The following AIRE variants were observed in gnomAD, a reference collection of about 807,000 sequenced individuals.
AIRE encodes the protein autoimmune polyendocrinopathy candidiasis ectodermal dystrophy protein.
A neutral mutation model predicts 62.1 loss-of-function variants in AIRE; 52 were observed. The observed-to-expected ratio is 0.84, with a 90% CI of 0.67 to 1.06. AIRE has a LOEUF of 1.06. AIRE is among the 50% of genes least tolerant of loss of function. AIRE has a pLI of 0.00. For missense variants in AIRE, 774 were observed against 755.8 expected (o/e 1.02, Z -0.28); for synonymous variants, 342 against 321.6 (o/e 1.06, Z -0.68).
rs932943694 is a variant in AIRE, at chr21:44,287,585, G to A, written c.532G>A (p.Gly178Arg). Residue 178 changes from glycine (G) to arginine (R), a missense_variant, in exon 4 of 14, where the codon GGG (glycine) becomes AGG (arginine). Physicochemically the swap from Gly to Arg is moderately radical, Grantham distance 125. Coordinates refer to ENST00000291582, the MANE Select transcript of AIRE (RefSeq NM_000383.4). The surrounding 1 kb of genome is among the most constrained non-coding windows in gnomAD (Gnocchi z 4.3). Reference protein sequence around the residue: ...SSAEQQRLPLGNGIQTMSASV... With the variant: ...SSAEQQRLPLRNGIQTMSASV... ...CGCAGAGCAGCAGCGCCTTCCACTCGGGAACGGTGAGCGGGGCCCAGTGGG... is the reference window on the plus strand; with the variant it reads ...CGCAGAGCAGCAGCGCCTTCCACTCAGGAACGGTGAGCGGGGCCCAGTGGG... 2.4e-5 allele frequency: 37 copies of A among 1,555,548 alleles called. No homozygotes were observed. The Admixed American group carries it at 5.0e-4, about 21-fold the overall frequency.
chr21:44,296,695 C>G (rs1189146709), intron 13 of AIRE, among the ~76,000 whole-genome samples: 2 of 137,398 alleles, frequency 1.5e-5, no homozygotes, highest in African/African-American at 5.3e-5. Context: ...CCCAGTGCTG[C>G]TGAGCGCCCC....
In AIRE at chr21:44,288,371, C is replaced by A. The variant is rs745653031; in HGVS notation, c.565C>A (p.Gln189Lys). The A allele has an allele frequency of 1.2e-6, 2 of 1,612,194 alleles. No individual in the cohort carries two copies. Among genetic ancestry groups the A allele is most frequent in the East Asian group, 4.5e-5 (2 of 44,882 alleles). The change falls in exon 5 of 14, where the codon CAG becomes AAG. Residue 189 changes from glutamine (Q) to lysine (K), a missense_variant. By Grantham distance (53) the Gln-to-Lys change is moderately conservative (BLOSUM62 1). Coordinates refer to ENST00000291582, the MANE Select transcript of AIRE (RefSeq NM_000383.4). Reference protein sequence around the residue: ...NGIQTMSASVQRAVAMSSGDV... With the variant: ...NGIQTMSASVKRAVAMSSGDV... The stretch of plus-strand genomic sequence containing the variant: ...GATTCAGACCATGTCAGCTTCAGTC[C>A]AGAGAGCTGTGGCCATGTCCTCCGG...
chr21:44,293,313 GGA>G, intron 10 of AIRE, 138 bp downstream of exon 10: 1 of 816,488 alleles, frequency 1.2e-6, no homozygotes, highest in Non-Finnish European at 1.9e-6. Context: ...GGCTGTGGGG[GGA>G]GCGTGGGGGG....
intron 12 of AIRE, 73 bp from the exon 13 acceptor site, chr21:44,296,310 A>C (rs2040606523): frequency 1.5e-6 from 2 of 1,369,486 alleles, no homozygotes; most frequent in Admixed American, 1.7e-5. Flanking sequence ...CGCGGCCCCT[A>C]GGCCCTGCGG....
chr21:44,295,490 C>T (rs1307798786), intron 12 of AIRE, among the ~76,000 whole-genome samples: 1 of 152,200 alleles, frequency 6.6e-6, no homozygotes, highest in East Asian at 1.9e-4. Context: ...CATCTGGAGT[C>T]AGGAGCCCAG....
chr21:44,291,599 GC>G (rs910979216), intron 8 of AIRE, among the ~76,000 whole-genome samples: 17 of 151,188 alleles, frequency 1.1e-4, no homozygotes, highest in Non-Finnish European at 2.4e-4. Context: ...ACAGAGCTGT[GC>G]CCCCCAGGGC....
chr21:44,294,448 C>T lies in AIRE; in HGVS notation c.1448C>T (p.Pro483Leu). 6.4e-7 allele frequency: 1 copy of T among 1,572,700 alleles called. No individual in the cohort carries two copies. Among genetic ancestry groups the T allele is most frequent in the Admixed American group, 1.8e-5 (1 of 56,720 alleles). ...RSCSGDVTPA[P>L]VEGVLAPSPA... ...TGCTCAGGAGACGTGACCCCAGCCC[C>T]TGTGGAGGGGGTGCTGGCCCCCAGC... Residue 483 changes from proline to leucine, a missense_variant, in exon 12 of 14, where the codon CCT (proline) becomes CTT (leucine). Coordinates refer to ENST00000291582, the MANE Select transcript of AIRE (RefSeq NM_000383.4).
In AIRE at chr21:44,293,033, G is replaced by A; in HGVS notation, c.1136G>A (p.Gly379Asp). 2.5e-6 allele frequency: 4 copies of A among 1,612,502 alleles called. No homozygotes were observed. Among genetic ancestry groups the A allele is most frequent in the Non-Finnish European group, 3.4e-6 (4 of 1,179,812 alleles). Residue 379 changes from glycine to aspartate, a missense_variant, in exon 10 of 14, where the codon GGT becomes GAT. Coordinates refer to ENST00000291582, the MANE Select transcript of AIRE (RefSeq NM_000383.4). ...AGGTCGGCGGGAGAGGAGGTAAGAG[G>A]TCCACCTGGGGAACCCCTAGCCGGC... The part of the protein sequence containing the change: ...GLRSAGEEVR[G>D]PPGEPLAGMD...
chr21:44,289,508 C>CGTATCATTAA, intron 5 of AIRE, 149 bp from the exon 6 acceptor site: 1 of 933,322 alleles, frequency 1.1e-6, no homozygotes. Flanking sequence ...CCCCGGGCCC[C>CGTATCATTAA]AGACTCGACT....
Position 44,286,810 on chromosome 21 carries a change from G to A in AIRE, c.307+79G>A, listed in dbSNP as rs922606656. On this transcript the variant is annotated intron_variant, in intron 2 of 13. Transcript: ENST00000291582. The surrounding 1 kb of genome is among the most constrained non-coding windows in gnomAD (Gnocchi z 6.0). ...TGCTCAGCCCAGCTGGACTGGAACC[G>A]GAGTGGTGTTTGAGGAGCCCGTGGG... is the stretch of plus-strand genomic sequence containing the variant. 41 of 1,582,816 alleles carry A rather than the reference G, an allele frequency of 2.6e-5. No individual in the cohort carries two copies. Among genetic ancestry groups the A allele is most frequent in the East Asian group, 2.2e-4 (10 of 44,546 alleles).
chr21:44,297,771 G>A lies in AIRE; in HGVS notation c.*44G>A, dbSNP rs748780013. 1.3e-6 allele frequency: 2 copies of A among 1,560,878 alleles called. No homozygotes were observed. The highest frequency in any genetic ancestry group is 1.4e-5 in the African/African-American group (1 of 73,672). ...TGCAGCTCTGATGAGAGAGTGCTGA[G>A]AAGGACACCTCCTTCCTCAGTCCTG... On this transcript the variant is annotated 3_prime_UTR_variant, in exon 14 of 14. Coordinates refer to ENST00000291582, the MANE Select transcript of AIRE (RefSeq NM_000383.4). The surrounding 1 kb of genome is among the most constrained non-coding windows in gnomAD (Gnocchi z 4.8).
Position 44,297,529 on chromosome 21 carries a change from G to C in AIRE, c.1567-127G>C, listed in dbSNP as rs3746965. ...AGACTGGCCTGTGCCATGGGGCCTCGGGCCTCAGTTTCCCCACCTTTGACT... is the reference window on the plus strand; with the variant it reads ...AGACTGGCCTGTGCCATGGGGCCTCCGGCCTCAGTTTCCCCACCTTTGACT... On this transcript the variant is annotated intron_variant, in intron 13 of 13. Transcript: ENST00000291582. The surrounding 1 kb of genome is among the most constrained non-coding windows in gnomAD (Gnocchi z 4.8). 9.3e-6 allele frequency: 8 copies of C among 857,984 alleles called. No individual in the cohort carries two copies. The highest frequency in any genetic ancestry group is 1.5e-5 in the Non-Finnish European group (8 of 524,124). 53.1% of individuals were successfully genotyped at this position (857,984 alleles called of 1,614,324 possible).
chr21:44,288,276 C>G (rs2040502145), intron 4 of AIRE, 69 bp from the exon 5 acceptor site: 4 of 1,287,174 alleles, frequency 3.1e-6, no homozygotes, highest in Non-Finnish European at 4.5e-6. Context: ...CTGCCTGCTT[C>G]TGGCATAGAG....
rs1601964837 is a variant in AIRE, at chr21:44,287,226, ACTGGGTGTGGGGC to A, written c.463+95_463+107del. 3.1e-5 allele frequency: 46 copies of A among 1,497,882 alleles called. No homozygotes were observed. Among genetic ancestry groups the A allele is most frequent in the Non-Finnish European group, 4.2e-5 (46 of 1,097,302 alleles). The allele number at this position is 1,497,882 out of a possible 1,614,324, so 92.8% of individuals were successfully genotyped here. ...CCCCTCCCCACCCGGGCTCCCACCCACTGGGTGTGGGGCCAGCCTGCCTGGGGCTGTGGGGGTC... is the reference window on the plus strand; with the variant it reads ...CCCCTCCCCACCCGGGCTCCCACCCACAGCCTGCCTGGGGCTGTGGGGGTC... On this transcript the variant is annotated intron_variant, in intron 3 of 13. Coordinates refer to ENST00000291582, the MANE Select transcript of AIRE (RefSeq NM_000383.4). The surrounding 1 kb of genome is among the most constrained non-coding windows in gnomAD (Gnocchi z 4.3).
At chr21:44,296,707 A>C (rs1228571431) in intron 13 of AIRE, among the ~76,000 whole-genome samples, 2 of 33,724 alleles carry the variant, frequency 5.9e-5, no homozygotes, top group Non-Finnish European at 1.1e-4. Flanking sequence ...GAGCGCCCCC[A>C]GCCCCTCCCC....
intron 7 of AIRE, chr21:44,290,713 G>A: frequency 1.1e-5 from 15 of 1,363,624 alleles, no homozygotes; most frequent in Non-Finnish European, 1.5e-5. Context: ...CAGGGCACAA[G>A]GACGGTGGGG....
In AIRE at chr21:44,297,974, A is replaced by C. The variant is rs1298611689; in HGVS notation, c.*247A>C. The C allele has an allele frequency of 6.0e-6, 3 of 497,110 alleles. No individual in the cohort carries two copies. Among genetic ancestry groups the C allele is most frequent in the Admixed American group, 3.3e-5 (1 of 30,730 alleles). 30.8% of individuals were successfully genotyped at this position (497,110 alleles called of 1,614,324 possible). On this transcript the variant is annotated 3_prime_UTR_variant, in exon 14 of 14. Transcript: ENST00000291582. This position sits in a 1 kb window ranked among gnomAD's most constrained non-coding sequence, Gnocchi z 4.8. ...CTCCTTGCCTGGTGACCTACTAAAA[A>C]TATAAAAATTAGCTGGGTGTGGTGG...
intron 7 of AIRE, chr21:44,290,501 G>C: frequency 1.1e-6 from 1 of 936,982 alleles, no homozygotes; most frequent in Admixed American, 6.2e-5. Flanking sequence ...TTGGCACCAG[G>C]GGCTCTGTGG....
At chr21:44,289,501 C>T (rs1432738013) in intron 5 of AIRE, 156 bp from the exon 6 acceptor site, 22 of 868,542 alleles carry the variant, frequency 2.5e-5, no homozygotes, top group South Asian at 2.3e-4. Flanking sequence ...GGACAATCCC[C>T]GGGCCCCAGA....
Sources: allele counts gnomAD v4.1 joint callset (sites outside exome capture counted in the v4.1 genomes callset), GRCh38; gene constraint gnomAD v4.1.1; non-coding constraint Gnocchi (gnomAD v3.1); transcripts MANE v1.5; gene names NCBI Gene and HGNC (gene_info 2026-07-23, HGNC 2026-07-21).